CHSY3: variants seen among roughly 807,000 people sequenced by gnomAD.
CHSY3 encodes the protein N-acetylgalactosaminyl-proteoglycan 3-beta-glucuronosyltransferase 3.
In CHSY3, 35 loss-of-function variants were observed where a neutral mutation model predicts 67.2. The ratio of observed to expected loss-of-function variants is 0.52; its 90% confidence interval spans 0.40 to 0.69. The LOEUF (loss-of-function observed/expected upper bound fraction) is 0.69, where lower values mean the gene tolerates loss of function less well. CHSY3 is among the 30% of genes least tolerant of loss of function. The probability of loss-of-function intolerance (pLI) is 0.00; values close to 1 mark genes in which losing one functional copy is unlikely to be tolerated. For missense variants in CHSY3, 1,069 were observed against 1,138.5 expected, an observed-to-expected ratio of 0.94 and a Z score of 0.88; for synonymous variants, 474 against 434.7, an observed-to-expected ratio of 1.09 and a Z score of -1.12.
intron 2 of CHSY3, among the ~76,000 whole-genome samples, chr5:130,092,255 C>T (rs1307892860): frequency 6.6e-6 from 1 of 152,134 alleles, no homozygotes; most frequent in Non-Finnish European, 1.5e-5. Context: ...TCTCTCTACC[C>T]TGCTACAATT....
In CHSY3 at chr5:130,172,314, T is replaced by A. The variant is rs1168318242; in HGVS notation, c.1087-11915T>A. ...TATTATTTAACTCTTTTTTTTCTTT[T>A]CTTTTCTTTTCTTTTTTTTTTTTTT... On this transcript the variant is annotated intron_variant, in intron 2 of 2. Coordinates refer to ENST00000305031, the MANE Select transcript of CHSY3 (RefSeq NM_175856.5). 6.6e-3 allele frequency among the ~76,000 whole-genome samples: 122 copies of A among 18,586 alleles called. 1 individual carries two copies. The highest frequency in any genetic ancestry group is 0.032 in the African/African-American group (93 of 2,910). 12.2% of individuals were successfully genotyped at this position (18,586 alleles called of 152,430 possible). A position where few individuals can be genotyped will look rare whatever the true frequency, so the allele number is the denominator to read the frequency against.
intron 2 of CHSY3, among the ~76,000 whole-genome samples, chr5:129,956,309 ATG>A (rs1762171806): frequency 6.6e-6 from 1 of 151,942 alleles, no homozygotes. Context: ...ACAATCCGTG[ATG>A]TTGAGCTTTT....
At chr5:129,918,564 C>T (rs931890054) in intron 2 of CHSY3, among the ~76,000 whole-genome samples, 2 of 152,004 alleles carry the variant, frequency 1.3e-5, no homozygotes, top group African/African-American at 2.4e-5. Flanking sequence ...AAGAAATGCC[C>T]GAGGAGAGCA....
intron 2 of CHSY3, among the ~76,000 whole-genome samples, chr5:130,135,704 G>A (rs537138155): frequency 2.0e-5 from 3 of 152,136 alleles, no homozygotes; most frequent in East Asian, 1.9e-4. Context: ...TACCAGTCAT[G>A]TTGAACTCAT....
intron 2 of CHSY3, among the ~76,000 whole-genome samples, chr5:130,043,854 A>G (rs1284926489): frequency 6.6e-6 from 1 of 152,152 alleles, no homozygotes; most frequent in Non-Finnish European, 1.5e-5. Flanking sequence ...GGATTTAATT[A>G]CAATTTAGTT....
intron 2 of CHSY3, among the ~76,000 whole-genome samples, chr5:130,091,082 C>G (rs1766860747): frequency 6.6e-6 from 1 of 151,516 alleles, no homozygotes; most frequent in Admixed American, 6.6e-5. Flanking sequence ...TGCCAAAGCA[C>G]CAGGTCTGCT....
At chr5:130,078,238 A>G (rs955384029) in intron 2 of CHSY3, among the ~76,000 whole-genome samples, 6 of 152,086 alleles carry the variant, frequency 3.9e-5, no homozygotes, top group Admixed American at 2.6e-4. Context: ...CTGAATCACA[A>G]ATGCCTCTCC....
rs141172324 is a variant in CHSY3 at position 130,042,197 on chromosome 5, C to T, written c.1086+133837C>T. 4.2e-3 allele frequency among the ~76,000 whole-genome samples: 634 copies of T among 152,204 alleles called. 4 individuals carry two copies. The highest frequency in any genetic ancestry group is 0.014 in the African/African-American group (594 of 41,534). Reference sequence around the variant, plus strand: ...GCTGCAGTGAGCTAAGATTATGCCACGGTACTCCAGCCTTGGGGGCAGAGT... The same window carrying T: ...GCTGCAGTGAGCTAAGATTATGCCATGGTACTCCAGCCTTGGGGGCAGAGT... On this transcript the variant is annotated intron_variant, in intron 2 of 2. Coordinates refer to ENST00000305031, the MANE Select transcript of CHSY3 (RefSeq NM_175856.5).
At chr5:130,165,306 A>G (rs1352591176) in intron 2 of CHSY3, among the ~76,000 whole-genome samples, 1 of 152,118 alleles carries the variant, frequency 6.6e-6, no homozygotes, top group Non-Finnish European at 1.5e-5. Flanking sequence ...GATTCAAGAG[A>G]TCGGTAAAAT....
At chr5:129,948,626 G>A (rs563863141) in intron 2 of CHSY3, among the ~76,000 whole-genome samples, 5 of 152,180 alleles carry the variant, frequency 3.3e-5, no homozygotes, top group South Asian at 2.1e-4. Context: ...TTTTAATTGC[G>A]AATTGTGCTG....
intron 2 of CHSY3, among the ~76,000 whole-genome samples, chr5:129,942,793 A>T (rs1176526847): frequency 6.6e-6 from 1 of 152,110 alleles, no homozygotes; most frequent in African/African-American, 2.4e-5. Flanking sequence ...TTGGTCATGG[A>T]TTTGGCAGAT....
chr5:130,038,366 C>G (rs981123983), intron 2 of CHSY3, among the ~76,000 whole-genome samples: 2 of 151,684 alleles, frequency 1.3e-5, no homozygotes, highest in Non-Finnish European at 2.9e-5. Flanking sequence ...TTATTAAGCT[C>G]GAAAATAGAC....
intron 2 of CHSY3, among the ~76,000 whole-genome samples, chr5:129,960,516 A>C (rs542158418): frequency 5.9e-5 from 9 of 152,050 alleles, no homozygotes; most frequent in Non-Finnish European, 1.0e-4. Context: ...GCCAGTCATC[A>C]TGCTACATTT....
chr5:129,951,378 CA>C (rs1762018911), intron 2 of CHSY3, among the ~76,000 whole-genome samples: 1 of 151,438 alleles, frequency 6.6e-6, no homozygotes, highest in South Asian at 2.1e-4. Context: ...GCAACAAAAG[CA>C]AAAAATAAAC....
chr5:129,982,477 A>G (rs1303858707), intron 2 of CHSY3, among the ~76,000 whole-genome samples: 1 of 152,090 alleles, frequency 6.6e-6, no homozygotes, highest in African/African-American at 2.4e-5. Flanking sequence ...GTGGAATAAT[A>G]TTGTAAGGGC....
intron 2 of CHSY3, among the ~76,000 whole-genome samples, chr5:130,018,320 G>A (rs1228069712): frequency 2.6e-5 from 4 of 151,962 alleles, no homozygotes; most frequent in Non-Finnish European, 4.4e-5. Context: ...AAATTGCAGT[G>A]CCTCTTGCCC....
At chr5:130,145,583 A>G (rs185655765) in intron 2 of CHSY3, among the ~76,000 whole-genome samples, 1 of 152,340 alleles carries the variant, frequency 6.6e-6, no homozygotes, top group African/African-American at 2.4e-5. Context: ...GCAGGCAGCA[A>G]AAACAAAAAC....
intron 2 of CHSY3, among the ~76,000 whole-genome samples, chr5:129,953,905 A>G (rs957742945): frequency 1.3e-5 from 2 of 152,146 alleles, no homozygotes; most frequent in African/African-American, 2.4e-5. Context: ...ATAGATTGCA[A>G]AAATGTTCTC....
chr5:130,153,538 G>A (rs1769286496), intron 2 of CHSY3, among the ~76,000 whole-genome samples: 1 of 151,930 alleles, frequency 6.6e-6, no homozygotes, highest in African/African-American at 2.4e-5. Flanking sequence ...TCCCCAATCT[G>A]GGAAGCCTTT....
Sources: gnomAD v4.1 joint callset for allele counts (sites outside exome capture counted in the v4.1 genomes callset) on GRCh38, gnomAD v4.1.1 for gene constraint, MANE v1.5 for transcripts, NCBI Gene and HGNC (gene_info 2026-07-23, HGNC 2026-07-21) for gene names.